Variants in IGSF10 observed in about 807,000 individuals in gnomAD.
The protein encoded by IGSF10 is immunoglobulin superfamily member 10, also known as calvaria mechanical force protein 608.
A neutral mutation model predicts 128.2 loss-of-function variants in IGSF10; 126 were observed. The ratio of observed to expected loss-of-function variants is 0.98; its 90% CI spans 0.85 to 1.14. IGSF10 has a LOEUF of 1.14. Ranked by LOEUF, IGSF10 falls within the 50% of genes most tolerant of loss-of-function variation. IGSF10 has a pLI of 0.00. For synonymous variants in IGSF10, 1,185 were observed against 1,146.2 expected, an observed-to-expected ratio of 1.03 and a Z score of -0.68; for missense variants, 3,295 against 3,149.8, an observed-to-expected ratio of 1.05 and a Z score of -1.10.
chr3:151,619,384 A>C, the IGSF10 span, among the ~76,000 whole-genome samples: 73 of 152,182 alleles, frequency 4.8e-4, no homozygotes, highest in Admixed American at 1.1e-3. Flanking sequence ...CAAGAGAAAA[A>C]GCAAATTATA....
At position 151,436,782 on chromosome 3, in the gene IGSF10, C is replaced by CTGAA. The variant is rs745393823; in HGVS notation, c.7775_7778dup (p.Gln2593HisfsTer22). On this transcript the variant is annotated frameshift_variant, in exon 8 of 8. Transcript: ENST00000282466. LOFTEE classifies it low-confidence loss of function (END_TRUNC). Reference sequence around the variant, plus strand: ...TCCCAGAATCGGAGGTTTGGGGATTCTGAATGACTAGGGTACCTTGTAAGT... The same window carrying CTGAA: ...TCCCAGAATCGGAGGTTTGGGGATTCTGAATGAATGACTAGGGTACCTTGTAAGT... The CTGAA allele has an allele frequency of 9.3e-6, 15 of 1,614,038 alleles. No homozygotes were observed. In the East Asian group the frequency reaches 3.3e-4, roughly 36 times the overall value.
At chr3:151,510,828 A>G in the IGSF10 span, among the ~76,000 whole-genome samples, 72 of 152,294 alleles carry the variant, frequency 4.7e-4, no homozygotes, top group African/African-American at 1.7e-3. Context: ...CACAAGCCTC[A>G]GTAACCGATG....
the IGSF10 span, among the ~76,000 whole-genome samples, chr3:151,479,126 A>T: frequency 6.6e-6 from 1 of 152,194 alleles, no homozygotes; most frequent in Non-Finnish European, 1.5e-5. Flanking sequence ...AAGAAATCCC[A>T]GTTGTAGGAG....
chr3:151,476,465 C>G, the IGSF10 span, among the ~76,000 whole-genome samples: 2 of 152,144 alleles, frequency 1.3e-5, no homozygotes, highest in African/African-American at 4.8e-5. Flanking sequence ...CCTAGTCTGA[C>G]GTAACTGCTA....
Position 151,447,225 on chromosome 3 carries a change from C to T in IGSF10, c.2756G>A (p.Arg919Lys), listed in dbSNP as rs1721250107. ...CATAGTCCTTACTGTTATTGGGGGT[C>T]TACTTTGGAAATGCTCTCTTCCTCT... Reference protein sequence around the residue: ...MGRGREHFQSRPPITVRTMIK... With the variant: ...MGRGREHFQSKPPITVRTMIK... Residue 919 changes from arginine to lysine, a missense_variant, in exon 6 of 8, where the codon AGA becomes AAA. Arg to Lys is a conservative substitution (Grantham distance 26, BLOSUM62 2). Transcript: ENST00000282466. 3 of 1,614,196 alleles carry T rather than the reference C, an allele frequency of 1.9e-6. No homozygotes were observed. The highest frequency in any genetic ancestry group is 2.5e-6 in the Non-Finnish European group (3 of 1,180,034).
the IGSF10 span, among the ~76,000 whole-genome samples, chr3:151,487,614 A>T: frequency 8.6e-4 from 131 of 152,340 alleles, no homozygotes; most frequent in African/African-American, 3.0e-3. Flanking sequence ...CCAGCAGCAC[A>T]TCAAAAAGCT....
At chr3:151,440,405 T>TC (rs990588810) in intron 7 of IGSF10, among the ~76,000 whole-genome samples, 17 of 152,092 alleles carry the variant, frequency 1.1e-4, no homozygotes, top group African/African-American at 4.1e-4. Flanking sequence ...AATTTTTTTT[T>TC]CCCCAAGTAT....
At position 151,448,006 on chromosome 3, in the gene IGSF10, G is replaced by A. The variant is rs1189859410; in HGVS notation, c.1975C>T (p.Gln659Ter). ...NPSGVDFLIF[Q>*]VSVKMKGQRP... is the part of the protein sequence containing the mutation. ...TGTCCTTTCATCTTGACTGAAACTTGGAAAATCAAAAAATCAACCCCTGAT... is the reference window on the plus strand; with the variant it reads ...TGTCCTTTCATCTTGACTGAAACTTAGAAAATCAAAAAATCAACCCCTGAT... The change falls in exon 6 of 8, where the codon CAA becomes TAA. Residue 659 changes from glutamine to a stop codon, truncating the protein, a stop_gained. Transcript: ENST00000282466. LOFTEE classifies it high-confidence loss of function. The A allele has an allele frequency of 1.2e-6, 2 of 1,613,874 alleles. No homozygotes were observed. The highest frequency in any genetic ancestry group is 1.7e-6 in the Non-Finnish European group (2 of 1,179,998).
At chr3:151,543,216 G>A in the IGSF10 span, among the ~76,000 whole-genome samples, 1 of 152,126 alleles carries the variant, frequency 6.6e-6, no homozygotes, top group South Asian at 2.1e-4. Flanking sequence ...CAGGGGTCTG[G>A]GTCCAGCCTA....
chr3:151,450,673 G>C (rs991109559), intron 5 of IGSF10, among the ~76,000 whole-genome samples: 4 of 151,938 alleles, frequency 2.6e-5, no homozygotes, highest in African/African-American at 4.8e-5. Flanking sequence ...GAGGTGGGCG[G>C]ATCACCTGAG....
chr3:151,484,071 C>T, the IGSF10 span, among the ~76,000 whole-genome samples: 1,834 of 152,328 alleles, frequency 0.012, 32 homozygotes, highest in African/African-American at 0.041. Flanking sequence ...CTCATGCCAG[C>T]ACAGCAGTCT....
chr3:151,446,558 T>A lies in IGSF10; in HGVS notation c.3423A>T (p.Ala1141=). Residue 1141 remains alanine (A), a synonymous_variant, in exon 6 of 8, where the codon GCA becomes GCT. Transcript: ENST00000282466. ...TEISQVTPTG[A]VMTYAPTSIP... is the part of the protein sequence containing the mutation. ...TGGATGTTGGAGCATATGTCATGAC[T>A]GCACCAGTTGGAGTCACTTGGGAAA... 1 of 1,614,088 alleles carries A rather than the reference T, an allele frequency of 6.2e-7. No individual in the cohort carries two copies. The highest frequency in any genetic ancestry group is 8.5e-7 in the Non-Finnish European group (1 of 1,179,940).
At chr3:151,434,530 C>T (rs1302860328), downstream of IGSF10, 1 of 5,232 alleles carries the variant, frequency 1.9e-4, no homozygotes, top group Non-Finnish European at 5.4e-4. Context: ...GAAGATGTAT[C>T]ATCTATCTGT....
chr3:151,567,881 C>A, the IGSF10 span, among the ~76,000 whole-genome samples: 1 of 152,210 alleles, frequency 6.6e-6, no homozygotes, highest in Non-Finnish European at 1.5e-5. Context: ...CCACAAGCGA[C>A]TTCCCTGCAT....
the IGSF10 span, among the ~76,000 whole-genome samples, chr3:151,613,569 T>C: frequency 3.9e-5 from 6 of 152,238 alleles, no homozygotes; most frequent in Admixed American, 1.3e-4. Context: ...AAACAAGCAA[T>C]GGGGAAAGGA....
At chr3:151,452,704 G>C (rs947638436) in intron 5 of IGSF10, among the ~76,000 whole-genome samples, 7 of 152,010 alleles carry the variant, frequency 4.6e-5, no homozygotes, top group African/African-American at 1.7e-4. Context: ...AGATAAACTA[G>C]ATGCAGGAAA....
chr3:151,585,719 T>C, the IGSF10 span, among the ~76,000 whole-genome samples: 31 of 152,216 alleles, frequency 2.0e-4, no homozygotes, highest in African/African-American at 7.5e-4. Flanking sequence ...CTTATTTTTT[T>C]CTAATAAGAT....
rs775827267 is a variant in IGSF10, at chr3:151,443,223, G to A, written c.5724C>T (p.Ala1908=). Residue 1908 remains alanine, a synonymous_variant, in exon 7 of 8, where the codon GCC becomes GCT. Coordinates refer to ENST00000282466, the MANE Select transcript of IGSF10 (RefSeq NM_178822.5). ...ATTCATAAGTGCCCCTGTCTGAAGA[G>A]GCTAGGTTTCTTATATACAAAGTCC... The part of the protein sequence containing the change: ...SNGTLYIRNL[A]SSDRGTYECI... 67 of 1,613,400 alleles carry A rather than the reference G, an allele frequency of 4.2e-5. No homozygotes were observed. Among genetic ancestry groups the A allele is most frequent in the Non-Finnish European group, 5.4e-5 (64 of 1,179,664 alleles).
At chr3:151,611,560 T>C in the IGSF10 span, among the ~76,000 whole-genome samples, 2 of 152,210 alleles carry the variant, frequency 1.3e-5, no homozygotes, top group Non-Finnish European at 2.9e-5. Flanking sequence ...GGAATTTCTT[T>C]TTCCCCATGG....
Sources: gnomAD v4.1 joint callset for allele counts (sites outside exome capture counted in the v4.1 genomes callset) on GRCh38, gnomAD v4.1.1 for gene constraint, MANE v1.5 for transcripts, NCBI Gene and HGNC (gene_info 2026-07-23, HGNC 2026-07-21) for gene names.